The following CPXM1 variants were observed in gnomAD, a reference collection of about 807,000 sequenced individuals.
CPXM1 encodes probable carboxypeptidase X1.
In CPXM1, 72 loss-of-function variants were observed where a neutral mutation model predicts 80.4. The observed-to-expected ratio is 0.90, with a 90% CI of 0.74 to 1.09. The LOEUF is 1.09. Among genes scored for constraint, CPXM1 ranks in the 50% least tolerant of loss-of-function variants. CPXM1 has a pLI of 0.00. For synonymous variants in CPXM1, 403 were observed against 405.6 expected (o/e 0.99, Z 0.08); for missense variants, 892 against 999.4 (o/e 0.89, Z 1.45).
chr20:2,798,311 T>C lies in CPXM1; in HGVS notation c.451-20A>G. ...GCCTGACTGCAGACACAGGACATGG[T>C]GGTCAGGCCCAGTTGGACAGAGTGG... On this transcript the variant is annotated intron_variant, in intron 3 of 13. Coordinates refer to ENST00000380605, the MANE Select transcript of CPXM1 (RefSeq NM_019609.5). 2 of 1,613,094 alleles carry C rather than the reference T, an allele frequency of 1.2e-6. No individual in the cohort carries two copies. Among genetic ancestry groups the C allele is most frequent in the Non-Finnish European group, 1.7e-6 (2 of 1,179,552 alleles).
rs374595950 is a variant in CPXM1 at position 2,796,295 on chromosome 20, G to A, written c.1194C>T (p.His398=). 5 of 1,613,744 alleles carry A rather than the reference G, an allele frequency of 3.1e-6. No individual in the cohort carries two copies. The highest frequency in any genetic ancestry group is 4.2e-6 in the Non-Finnish European group (5 of 1,180,004). ...VTRLLSEMRI[H]LLPSMNPDGY... ...CATCAGGGTTCATGGAGGGCAGCAG[G>A]TGAATGCGCATCTCAGAGAGCAGCC... The change falls in exon 9 of 14, where the codon CAC becomes CAT. Residue 398 remains histidine (H), a synonymous_variant. Transcript: ENST00000380605. The surrounding 1 kb of genome is among the most constrained non-coding windows in gnomAD (Gnocchi z 6.8).
chr20:2,796,637 A>G lies in CPXM1; in HGVS notation c.935T>C (p.Val312Ala), dbSNP rs766563846. 2.2e-5 allele frequency: 35 copies of G among 1,613,944 alleles called. No homozygotes were observed. The highest frequency in any genetic ancestry group is 3.3e-5 in the Admixed American group (2 of 59,994). Residue 312 changes from valine to alanine, a missense_variant, in exon 8 of 14, where the codon GTA becomes GCA. Physicochemically the swap from Val to Ala is moderately conservative, Grantham distance 64 (BLOSUM62 0). Coordinates refer to ENST00000380605, the MANE Select transcript of CPXM1 (RefSeq NM_019609.5). The surrounding 1 kb of genome is among the most constrained non-coding windows in gnomAD (Gnocchi z 6.8). Reference protein sequence around the residue: ...YKAMRKLMKQVQEQCPNITRI... With the variant: ...YKAMRKLMKQAQEQCPNITRI... ...GGTGATGTTGGGGCATTGCTCTTGT[A>G]CCTGCTTCATCAGCTGGTGGGCAGA...
chr20:2,797,274 G>C lies in CPXM1; in HGVS notation c.750C>G (p.Arg250=). Reference sequence around the variant, plus strand: ...AGGTCTGGGGCAGCAGGCGAATGAAGCGGGCCACCTGGGGCTCCGGCAGGA... The same window carrying C: ...AGGTCTGGGGCAGCAGGCGAATGAACCGGGCCACCTGGGGCTCCGGCAGGA... ...LNLLPEPQVA[R]FIRLLPQTWL... Residue 250 remains arginine (R), a synonymous_variant, in exon 6 of 14, where the codon CGC becomes CGG. Transcript: ENST00000380605. 1.3e-6 allele frequency: 2 copies of C among 1,570,112 alleles called. No homozygotes were observed. Among genetic ancestry groups the C allele is most frequent in the Non-Finnish European group, 8.6e-7 (1 of 1,156,160 alleles).
chr20:2,797,358 TCTCTGTTGTGGCTG>T lies in CPXM1; in HGVS notation c.682-30_682-17del. The T allele has an allele frequency of 6.8e-7, 1 of 1,465,898 alleles. No individual in the cohort carries two copies. 90.8% of individuals were successfully genotyped at this position (1,465,898 alleles called of 1,614,324 possible). A position where few individuals can be genotyped will look rare whatever the true frequency, so the allele number is the denominator to read the frequency against. ...CAGGAAATACCTGGGGGCAGCAAGT[TCTCTGTTGTGGCTG>T]CTCAAACCCCAGAAGCCTGGCCCAG... On this transcript the variant is annotated splice_polypyrimidine_tract_variant and intron_variant, in intron 5 of 13. Transcript: ENST00000380605.
rs1158893722 is a variant in CPXM1 at position 2,798,191 on chromosome 20, A to T, written c.551T>A (p.Phe184Tyr). ...CCTGCCCTGTGTGATAACACCCGAG[A>T]AGCGGGTGGGGTGCCCAGCGTCCAC... ...FQVDAGHPTR[F>Y]SGVITQGRNS... The change falls in exon 4 of 14, where the codon TTC becomes TAC. Residue 184 changes from phenylalanine to tyrosine, a missense_variant. This residue lies in a region of CPXM1 where 874 missense variants were observed against 958.4 expected (regional missense o/e 0.91). Coordinates refer to ENST00000380605, the MANE Select transcript of CPXM1 (RefSeq NM_019609.5). 2.5e-6 allele frequency: 4 copies of T among 1,613,942 alleles called. No individual in the cohort carries two copies. The highest frequency in any genetic ancestry group is 2.5e-6 in the Non-Finnish European group (3 of 1,180,020).
chr20:2,798,619 T>C, intron 2 of CPXM1, 82 bp from the exon 3 acceptor site: 1 of 1,541,446 alleles, frequency 6.5e-7, no homozygotes, highest in Non-Finnish European at 8.9e-7. Flanking sequence ...AGGTTGCTCC[T>C]GCGCTAGGCA....
In CPXM1 at chr20:2,797,058, C is replaced by A. The variant is rs779523433; in HGVS notation, c.869G>T (p.Gly290Val). 46 of 1,614,060 alleles carry A rather than the reference C, an allele frequency of 2.8e-5. No homozygotes were observed. Among genetic ancestry groups the A allele is most frequent in the Non-Finnish European group, 3.7e-5 (44 of 1,179,982 alleles). The change falls in exon 7 of 14, where the codon GGA (glycine) becomes GTA (valine). Residue 290 changes from glycine to valine, a missense_variant. Transcript: ENST00000380605. The part of the protein sequence containing the change: ...NDLFLEAPAS[G>V]SSDPLDFQHH... ...CTGAAAGTCTAGAGGGTCAGAGGAT[C>A]CCGACGCAGGGGCCTCAAGGAATAG...
Position 2,798,437 on chromosome 20 carries a change from G to T in CPXM1, c.441C>A (p.Leu147=). 1 of 1,613,342 alleles carries T rather than the reference G, an allele frequency of 6.2e-7. No homozygotes were observed. Among genetic ancestry groups the T allele is most frequent in the Non-Finnish European group, 8.5e-7 (1 of 1,179,594 alleles). Residue 147 remains leucine, a synonymous_variant, in exon 3 of 14, where the codon CTC becomes CTA. Transcript: ENST00000380605. The stretch of plus-strand genomic sequence containing the variant: ...AGCCAGGATTACTGACCTGAATGTT[G>T]AGCCGTCCTCGGTGTGGTCCAAGAC... ...SFGLGPHRGR[L]NIQSGLEDGD... is the part of the protein sequence containing the mutation.
At chr20:2,799,632 C>T (rs8116813) in intron 1 of CPXM1, among the ~76,000 whole-genome samples, 12,177 of 152,108 alleles carry the variant, frequency 0.08, 1,635 homozygotes, top group African/African-American at 0.27. Flanking sequence ...CTCCAGACTC[C>T]CCTGACTCGG....
rs754030792 is a variant in CPXM1, at chr20:2,798,145, G to A, written c.590+7C>T. ...TGACCTCCTGACCTAGGGTTAGTCT[G>A]CCTCACCTCCAGACAGAGTTCCTGC... is the stretch of plus-strand genomic sequence containing the variant. On this transcript the variant is annotated splice_region_variant and intron_variant, in intron 4 of 13. Coordinates refer to ENST00000380605, the MANE Select transcript of CPXM1 (RefSeq NM_019609.5). The A allele has an allele frequency of 3.1e-6, 5 of 1,613,758 alleles. No homozygotes were observed. The Admixed American group carries it at 6.7e-5, about 22-fold the overall frequency.
chr20:2,800,350 G>C (rs532735798), intron 1 of CPXM1, 51 bp downstream of exon 1: 34 of 1,451,666 alleles, frequency 2.3e-5, no homozygotes, highest in Non-Finnish European at 3.0e-5. Context: ...CGGGGCAGGA[G>C]AGCCGGGCAG....
Position 2,800,516 on chromosome 20 carries a change from C to G in CPXM1, c.57G>C (p.Leu19=), listed in dbSNP as rs1189699183. The G allele has an allele frequency of 7.3e-7, 1 of 1,365,154 alleles. No homozygotes were observed. The highest frequency in any genetic ancestry group is 9.4e-7 in the Non-Finnish European group (1 of 1,065,448). The allele number at this position is 1,365,154 out of a possible 1,614,324, so 84.6% of individuals were successfully genotyped here. The change falls in exon 1 of 14, where the codon CTG becomes CTC. Residue 19 remains leucine, a synonymous_variant. Transcript: ENST00000380605. ...AAFAPAVGPA[L]GAPRNSVLGL... The stretch of plus-strand genomic sequence containing the variant: ...CCAGCACCGAGTTCCTGGGCGCCCC[C>G]AGAGCCGGGCCGACGGCCGGCGCGA...
chr20:2,797,397 G>A, intron 5 of CPXM1, 55 bp from the exon 6 acceptor site: 1 of 1,436,500 alleles, frequency 7.0e-7, no homozygotes, highest in Non-Finnish European at 9.1e-7. Context: ...GCCTGGCCCA[G>A]GACCCAGGGA....
Position 2,796,230 on chromosome 20 carries a change from C to T in CPXM1, c.1242+17G>A, listed in dbSNP as rs1813505871. The T allele has an allele frequency of 2.5e-6, 4 of 1,612,356 alleles. No individual in the cohort carries two copies. Among genetic ancestry groups the T allele is most frequent in the Non-Finnish European group, 3.4e-6 (4 of 1,178,948 alleles). ...CAGGGCAGAAGGACAGAGTGGCCCT[C>T]ATGCTGGGTGGCCTACCCGGTGGTA... On this transcript the variant is annotated intron_variant, in intron 9 of 13. Coordinates refer to ENST00000380605, the MANE Select transcript of CPXM1 (RefSeq NM_019609.5). This position sits in a 1 kb window ranked among gnomAD's most constrained non-coding sequence, Gnocchi z 6.8.
chr20:2,794,336 C>T lies in CPXM1; in HGVS notation c.2059G>A (p.Val687Ile). Reference sequence around the variant, plus strand: ...GGGAAGGGGCCCTCTTCAAAGGTGACCCGACAGTTCCGTGTCACTGAATGG... The same window carrying T: ...GGGAAGGGGCCCTCTTCAAAGGTGATCCGACAGTTCCGTGTCACTGAATGG... ...GYHSVTRNCR[V>I]TFEEGPFPCN... The change falls in exon 14 of 14, where the codon GTC becomes ATC. Residue 687 changes from valine (V) to isoleucine (I), a missense_variant. Val to Ile is a conservative substitution (Grantham distance 29). Coordinates refer to ENST00000380605, the MANE Select transcript of CPXM1 (RefSeq NM_019609.5). The surrounding 1 kb of genome is among the most constrained non-coding windows in gnomAD (Gnocchi z 5.2). 1 of 1,614,140 alleles carries T rather than the reference C, an allele frequency of 6.2e-7. No homozygotes were observed. The highest frequency in any genetic ancestry group is 8.5e-7 in the Non-Finnish European group (1 of 1,180,032).
chr20:2,795,300 C>T lies in CPXM1; in HGVS notation c.1837G>A (p.Ala613Thr), dbSNP rs772447877. 27 of 1,613,814 alleles carry T rather than the reference C, an allele frequency of 1.7e-5. No individual in the cohort carries two copies. The highest frequency in any genetic ancestry group is 3.3e-5 in the Admixed American group (2 of 59,984). ...ACCTGCTCCAGGTAGGTGAGGAGGGCGTCTTTGTTGTTCTCCCACTCCTGG... is the reference window on the plus strand; with the variant it reads ...ACCTGCTCCAGGTAGGTGAGGAGGGTGTCTTTGTTGTTCTCCCACTCCTGG... Reference protein sequence around the residue: ...LPQEWENNKDALLTYLEQVRM... With the variant: ...LPQEWENNKDTLLTYLEQVRM... Residue 613 changes from alanine to threonine, a missense_variant, in exon 12 of 14, where the codon GCC becomes ACC. By Grantham distance (58) the Ala-to-Thr change is moderately conservative. Coordinates refer to ENST00000380605, the MANE Select transcript of CPXM1 (RefSeq NM_019609.5). The surrounding 1 kb of genome is among the most constrained non-coding windows in gnomAD (Gnocchi z 5.4).
At position 2,798,902 on chromosome 20, in the gene CPXM1, C is replaced by A; in HGVS notation, c.173-9G>T. 6.2e-7 allele frequency: 1 copy of A among 1,611,802 alleles called. No homozygotes were observed. Among genetic ancestry groups the A allele is most frequent in the African/African-American group, 1.3e-5 (1 of 74,922 alleles). On this transcript the variant is annotated splice_polypyrimidine_tract_variant and intron_variant, in intron 1 of 13. Transcript: ENST00000380605. ...ATGCTGTTCTGAGGTCCCTTGGGGT[C>A]CGAGAGGCACAGCATGGGGGAAAGG...
At position 2,798,074 on chromosome 20, in the gene CPXM1, G is replaced by A. The variant is rs754157175; in HGVS notation, c.591-16C>T. 1.2e-6 allele frequency: 2 copies of A among 1,614,080 alleles called. No individual in the cohort carries two copies. Among genetic ancestry groups the A allele is most frequent in the South Asian group, 1.1e-5 (1 of 91,082 alleles). On this transcript the variant is annotated splice_polypyrimidine_tract_variant and intron_variant, in intron 4 of 13. Transcript: ENST00000380605. ...CCAGTCATACCTGGCAGGAGAGGTG[G>A]AGAGAGATCATCGGTGCCCCCAGGA...
Position 2,794,787 on chromosome 20 carries a change from A to G in CPXM1, c.1861-148T>C. ...TGACACTACTTCTGGAAGAAAAAAA[A>G]AAAAGAAATCCTGATTGACAAATCA... is the stretch of plus-strand genomic sequence containing the variant. On this transcript the variant is annotated intron_variant, in intron 12 of 13. Transcript: ENST00000380605. The surrounding 1 kb of genome is among the most constrained non-coding windows in gnomAD (Gnocchi z 5.2). 1.6e-6 allele frequency: 1 copy of G among 618,632 alleles called. No homozygotes were observed. The highest frequency in any genetic ancestry group is 2.7e-5 in the East Asian group (1 of 36,564). The allele number at this position is 618,632 out of a possible 1,614,324, so 38.3% of individuals were successfully genotyped here.
Sources: gnomAD v4.1 joint callset for allele counts (sites outside exome capture counted in the v4.1 genomes callset) on GRCh38, gnomAD v4.1.1 for gene constraint, gnomAD v4.1.1 regional missense constraint, Gnocchi (gnomAD v3.1) non-coding constraint, MANE v1.5 for transcripts, NCBI Gene and HGNC (gene_info 2026-07-23, HGNC 2026-07-21) for gene names.